The following FARSB variants were observed in gnomAD, a reference collection of about 807,000 sequenced individuals.
FARSB encodes the protein phenylalanine--tRNA ligase beta subunit.
FARSB carries 40 observed loss-of-function variants against 69.6 expected under a neutral mutation model. The ratio of observed to expected loss-of-function variants is 0.57; its 90% CI spans 0.45 to 0.75. FARSB has a LOEUF of 0.75. Ranked by LOEUF, FARSB falls within the 30% of genes least tolerant of loss-of-function variation. FARSB has a pLI of 0.00. For missense variants in FARSB, 632 were observed against 722.9 expected (o/e 0.87, Z 1.44); for synonymous variants, 235 against 247.2 (o/e 0.95, Z 0.46).
At chr2:222,614,047 G>T in intron 14 of FARSB, 119 bp from the exon 15 acceptor site, 1 of 525,852 alleles carries the variant, frequency 1.9e-6, no homozygotes, top group Non-Finnish European at 3.4e-6. Context: ...TCTGGAAAAT[G>T]CATTGCCCTA....
chr2:222,647,992 T>C (rs1203189096), intron 2 of FARSB, among the ~76,000 whole-genome samples: 4 of 152,150 alleles, frequency 2.6e-5, no homozygotes, highest in African/African-American at 4.8e-5. Context: ...TCCCAGATGA[T>C]GCTGCTGGCC....
chr2:222,653,781 C>G (rs1008019625), intron 1 of FARSB, among the ~76,000 whole-genome samples: 2 of 152,048 alleles, frequency 1.3e-5, no homozygotes, highest in Non-Finnish European at 2.9e-5. Context: ...CACGTATACA[C>G]CACCACACCC....
chr2:222,624,109 C>A (rs779597408), intron 12 of FARSB, among the ~76,000 whole-genome samples, 163 bp downstream of exon 12: 3 of 152,224 alleles, frequency 2.0e-5, no homozygotes, highest in Non-Finnish European at 4.4e-5. Context: ...TTACTCTAAT[C>A]ATTTGGGCAT....
chr2:222,572,428 G>C (rs1689740749), intron 16 of FARSB, among the ~76,000 whole-genome samples: 1 of 152,144 alleles, frequency 6.6e-6, no homozygotes. Flanking sequence ...TTTTCAAACA[G>C]GTTTTTCCAT....
rs183671329 is a variant in FARSB at position 222,626,904 on chromosome 2, C to T, written c.900+1933G>A. ...AAAAAAAATTAGCCGGGCGTGGTGA[C>T]GGGCGCCTGTAGTCCCAGCTACTCG... On this transcript the variant is annotated intron_variant, in intron 10 of 16. Coordinates refer to ENST00000281828, the MANE Select transcript of FARSB (RefSeq NM_005687.5). 1.5e-3 allele frequency among the ~76,000 whole-genome samples: 227 copies of T among 152,054 alleles called. 1 individual carries two copies. Among genetic ancestry groups the T allele is most frequent in the Admixed American group, 0.013 (194 of 15,254 alleles).
At chr2:222,648,871 C>T in intron 1 of FARSB, 76 bp from the exon 2 acceptor site, 1 of 939,216 alleles carries the variant, frequency 1.1e-6, no homozygotes, top group Non-Finnish European at 1.8e-6. Flanking sequence ...ACTGCATTTT[C>T]TTATTACTAA....
At position 222,568,645 on chromosome 2, in the gene FARSB, G is replaced by A. The variant is rs1436269111; in HGVS notation, c.*3226C>T. On this transcript the variant is annotated 3_prime_UTR_variant, in exon 17 of 17. Coordinates refer to ENST00000281828, the MANE Select transcript of FARSB (RefSeq NM_005687.5). This position sits in a 1 kb window ranked among gnomAD's most constrained non-coding sequence, Gnocchi z 4.3. ...GCCTGAGGTCAGAAGTTCGAGACCA[G>A]CCTAGCTAACGTGGTGAAACCCCGT... The A allele has an allele frequency of 1.3e-5, 2 of 152,248 alleles. No individual in the cohort carries two copies. The highest frequency in any genetic ancestry group is 3.8e-4 in the East Asian group (2 of 5,202). The allele number at this position is 152,248 out of a possible 1,614,324, so 9.4% of individuals were successfully genotyped here. A position where few individuals can be genotyped will look rare whatever the true frequency, so the allele number is the denominator to read the frequency against.
Position 222,567,389 on chromosome 2 carries a change from T to C in FARSB, c.*4482A>G, listed in dbSNP as rs1274378866. ...TGAAGGCTATCTGTTTGCTTTTGGATAAAATGGACAGAAGGGCCAAAGTAA... is the reference window on the plus strand; with the variant it reads ...TGAAGGCTATCTGTTTGCTTTTGGACAAAATGGACAGAAGGGCCAAAGTAA... On this transcript the variant is annotated 3_prime_UTR_variant, in exon 17 of 17. Transcript: ENST00000281828. 1.3e-5 allele frequency: 2 copies of C among 152,204 alleles called. No homozygotes were observed. The highest frequency in any genetic ancestry group is 3.8e-4 in the East Asian group (2 of 5,204). 9.4% of individuals were successfully genotyped at this position (152,204 alleles called of 1,614,324 possible). A position where few individuals can be genotyped will look rare whatever the true frequency, so the allele number is the denominator to read the frequency against.
chr2:222,616,678 A>T, intron 14 of FARSB, among the ~76,000 whole-genome samples: 1 of 152,166 alleles, frequency 6.6e-6, no homozygotes. Context: ...TATTGTCACT[A>T]TAATAAAATT....
At chr2:222,624,248 GT>G (rs763393216) in intron 12 of FARSB, 23 bp downstream of exon 12, 3 of 1,446,662 alleles carry the variant, frequency 2.1e-6, no homozygotes, top group African/African-American at 2.8e-5. Flanking sequence ...AATAAGGAGT[GT>G]TTATTTAAGG....
At chr2:222,587,505 A>T (rs1559191681) in intron 16 of FARSB, among the ~76,000 whole-genome samples, 1 of 152,238 alleles carries the variant, frequency 6.6e-6, no homozygotes, top group Non-Finnish European at 1.5e-5. Context: ...AATAACTAAG[A>T]TCAGAGCAGA....
At chr2:222,586,154 C>T (rs1023029995) in intron 16 of FARSB, among the ~76,000 whole-genome samples, 34 of 152,282 alleles carry the variant, frequency 2.2e-4, no homozygotes, top group Admixed American at 5.9e-4. Context: ...AGACTAACAG[C>T]GGATCTCTCA....
chr2:222,634,766 TCACAAAACTACCTGAAATA>T (rs1318388477), intron 5 of FARSB, among the ~76,000 whole-genome samples: 2 of 152,126 alleles, frequency 1.3e-5, no homozygotes, highest in African/African-American at 4.8e-5. Flanking sequence ...TACTGAGAAA[TCACAAAACTACCTGAAATA>T]CATGATTTCA....
At chr2:222,604,864 T>C (rs1690659039) in intron 15 of FARSB, among the ~76,000 whole-genome samples, 2 of 151,436 alleles carry the variant, frequency 1.3e-5, no homozygotes, top group Non-Finnish European at 2.9e-5. Flanking sequence ...TGAGCCACCA[T>C]GCCAGACCTC....
chr2:222,651,775 G>C (rs983058275), intron 1 of FARSB, among the ~76,000 whole-genome samples: 5 of 152,162 alleles, frequency 3.3e-5, no homozygotes, highest in African/African-American at 1.2e-4. Flanking sequence ...GAATTGAAAG[G>C]GATAGAAATA....
At chr2:222,623,784 A>G in intron 12 of FARSB, 54 bp from the exon 13 acceptor site, 3 of 1,135,358 alleles carry the variant, frequency 2.6e-6, no homozygotes, top group South Asian at 1.3e-5. Flanking sequence ...TGTTTTTTAA[A>G]AGGGAGATTT....
At chr2:222,630,424 C>T (rs973669805) in intron 8 of FARSB, among the ~76,000 whole-genome samples, 7 of 152,158 alleles carry the variant, frequency 4.6e-5, no homozygotes, top group African/African-American at 1.7e-4. Context: ...AACCCCCAAC[C>T]TCAGGTTCAC....
intron 16 of FARSB, among the ~76,000 whole-genome samples, chr2:222,590,273 C>G (rs1183717410): frequency 2.6e-5 from 4 of 152,012 alleles, no homozygotes; most frequent in Non-Finnish European, 5.9e-5. Context: ...GGACAAAAAA[C>G]CAAACACCGC....
intron 15 of FARSB, among the ~76,000 whole-genome samples, chr2:222,613,096 ATCT>A (rs1690900520): frequency 6.6e-6 from 1 of 152,258 alleles, no homozygotes; most frequent in South Asian, 2.1e-4. Context: ...TTTAACAGTA[ATCT>A]TCTTAATTAT....
Sources: allele counts gnomAD v4.1 joint callset (sites outside exome capture counted in the v4.1 genomes callset), GRCh38; gene constraint gnomAD v4.1.1; non-coding constraint Gnocchi (gnomAD v3.1); transcripts MANE v1.5; gene names NCBI Gene and HGNC (gene_info 2026-07-23, HGNC 2026-07-21).